Variants in PHEX observed in about 807,000 individuals in gnomAD.
PHEX encodes phosphate regulating endopeptidase X-linked.
PHEX carries 16 observed loss-of-function variants against 68.0 expected under a neutral mutation model. That is an observed-to-expected ratio of 0.24 (90% CI 0.16 to 0.36). The LOEUF (loss-of-function observed/expected upper bound fraction) is 0.36. PHEX is among the 10% of genes least tolerant of loss of function. The pLI is 1.00. For missense variants in PHEX, 480 were observed against 575.5 expected (o/e 0.83, Z 1.70); for synonymous variants, 208 against 205.1 (o/e 1.01, Z -0.12).
intron 3 of PHEX, among the ~76,000 whole-genome samples, chrX:22,049,195 G>A (rs1479987682): frequency 9.9e-5 from 11 of 111,154 alleles, no homozygotes; most frequent in Admixed American, 9.6e-5. Flanking sequence ...TGCAACCTCC[G>A]CCTCCTGGGT....
At chrX:22,036,836 A>G (rs926620163) in intron 1 of PHEX, among the ~76,000 whole-genome samples, 3 of 108,837 alleles carry the variant, frequency 2.8e-5, no homozygotes, top group African/African-American at 1.0e-4. Context: ...AGTGGCTCAC[A>G]CCTGTAATCC....
intron 20 of PHEX, among the ~76,000 whole-genome samples, chrX:22,230,884 TG>T (rs1447775809): frequency 3.6e-5 from 4 of 111,882 alleles, no homozygotes; most frequent in Non-Finnish European, 7.5e-5. Flanking sequence ...TTCCAGTTTT[TG>T]CCCATTCAGT....
intron 4 of PHEX, among the ~76,000 whole-genome samples, chrX:22,077,158 A>T (rs1929185216): frequency 1.8e-5 from 2 of 112,083 alleles, no homozygotes; most frequent in African/African-American, 6.5e-5. Context: ...GTTGTAACTT[A>T]GTCCCACCAA....
intron 9 of PHEX, among the ~76,000 whole-genome samples, chrX:22,102,680 A>C (rs1930483168): frequency 8.9e-6 from 1 of 112,687 alleles, no homozygotes; most frequent in South Asian, 3.6e-4. Flanking sequence ...AATAGAGAAA[A>C]GGGGATGGTA....
intron 3 of PHEX, among the ~76,000 whole-genome samples, chrX:22,071,185 C>G (rs1270388074): frequency 9.0e-6 from 1 of 110,738 alleles, no homozygotes; most frequent in Non-Finnish European, 1.9e-5. Context: ...TTTTTTTTCT[C>G]CCCAGTGTAG....
At chrX:22,141,912 T>C in intron 12 of PHEX, among the ~76,000 whole-genome samples, 1 of 112,313 alleles carries the variant, frequency 8.9e-6, no homozygotes, top group Non-Finnish European at 1.9e-5. Context: ...CTCTTAACAT[T>C]TATTATAAGC....
chrX:22,096,826 G>A, intron 7 of PHEX, 129 bp from the exon 8 acceptor site: 1 of 532,412 alleles, frequency 1.9e-6, no homozygotes, highest in African/African-American at 2.3e-5. Context: ...TCTTCCCCGA[G>A]TTGGGGACCA....
chrX:22,180,204 A>T (rs984738401), intron 14 of PHEX, among the ~76,000 whole-genome samples: 8 of 110,263 alleles, frequency 7.3e-5, no homozygotes, highest in African/African-American at 2.6e-4. Context: ...GTGCTTAAAC[A>T]CCTTGAGTCC....
chrX:22,185,478 A>T (rs1436878772), intron 14 of PHEX, among the ~76,000 whole-genome samples: 2 of 111,841 alleles, frequency 1.8e-5, no homozygotes, highest in African/African-American at 6.5e-5. Context: ...AGGGAGTGGT[A>T]GGGACTGTAG....
chrX:22,155,930 G>T (rs926825981), intron 12 of PHEX, among the ~76,000 whole-genome samples: 3 of 111,560 alleles, frequency 2.7e-5, no homozygotes, highest in African/African-American at 9.8e-5. Flanking sequence ...TATGGCTTCT[G>T]TTGCAACTAC....
At chrX:22,101,354 T>C (rs56227523) in intron 9 of PHEX, among the ~76,000 whole-genome samples, 7,455 of 111,794 alleles carry the variant, frequency 0.067, 385 homozygotes, top group African/African-American at 0.17. Context: ...TGATGTTTTT[T>C]CATTGATGAT....
intron 15 of PHEX, among the ~76,000 whole-genome samples, chrX:22,203,109 G>A (rs759547465): frequency 7.2e-5 from 8 of 111,278 alleles, no homozygotes; most frequent in Non-Finnish European, 1.3e-4. Flanking sequence ...GGTTTGCCTG[G>A]GACCATCCCA....
intron 12 of PHEX, among the ~76,000 whole-genome samples, chrX:22,141,585 A>AC (rs1423146136): frequency 1.8e-5 from 2 of 111,031 alleles, no homozygotes; most frequent in Non-Finnish European, 1.9e-5. Context: ...AAACAAACAA[A>AC]AAAAAAAACC....
intron 2 of PHEX, among the ~76,000 whole-genome samples, chrX:22,043,262 T>C (rs1276166458): frequency 8.9e-6 from 1 of 112,255 alleles, no homozygotes; most frequent in Non-Finnish European, 1.9e-5. Flanking sequence ...TGAAATTTGA[T>C]TGCAGATACA....
chrX:22,091,017 A>G (rs1929858432), intron 6 of PHEX, among the ~76,000 whole-genome samples: 1 of 111,882 alleles, frequency 8.9e-6, no homozygotes, highest in Non-Finnish European at 1.9e-5. Flanking sequence ...ATCAGAAAGG[A>G]TCAATCAAGT....
intron 12 of PHEX, among the ~76,000 whole-genome samples, chrX:22,159,552 C>T (rs12559111): frequency 0.4 from 44,436 of 110,533 alleles, 8,269 homozygotes; most frequent in East Asian, 0.76. Flanking sequence ...GTGTAAACAA[C>T]CAAAAGAAGA....
At chrX:22,244,680 G>C (rs1362059027) in intron 20 of PHEX, among the ~76,000 whole-genome samples, 1 of 111,879 alleles carries the variant, frequency 8.9e-6, no homozygotes, top group Admixed American at 9.5e-5. Flanking sequence ...CACAGGAGTA[G>C]AAAAGACATA....
At chrX:22,196,793 A>T (rs1342532583) in intron 15 of PHEX, among the ~76,000 whole-genome samples, 2 of 112,034 alleles carry the variant, frequency 1.8e-5, no homozygotes, top group Non-Finnish European at 3.8e-5. Context: ...TACACAAGGG[A>T]TTTTTTTCCC....
In PHEX at chrX:22,222,494, G is replaced by GT. The variant is rs756295873; in HGVS notation, c.1899+752dup. Among the ~76,000 whole-genome samples, 335 of 111,880 alleles carry GT rather than the reference G, an allele frequency of 3.0e-3. 2 individuals are homozygous for GT. Among genetic ancestry groups the GT allele is most frequent in the African/African-American group, 9.8e-3 (303 of 30,831 alleles). On this transcript the variant is annotated intron_variant, in intron 18 of 21. Coordinates refer to ENST00000379374, the MANE Select transcript of PHEX (RefSeq NM_000444.6). The stretch of plus-strand genomic sequence containing the variant: ...ATGTTTCTGAACTCATGGATTTGTT[G>GT]TAAGAATTAAGTGAGCAAAGCAATG...
Sources: gnomAD v4.1 joint callset for allele counts (sites outside exome capture counted in the v4.1 genomes callset) on GRCh38, gnomAD v4.1.1 for gene constraint, MANE v1.5 for transcripts, NCBI Gene and HGNC (gene_info 2026-07-23, HGNC 2026-07-21) for gene names.